The following KIF5B variants were observed in gnomAD, a reference collection of about 807,000 sequenced individuals.
KIF5B encodes kinesin-1 heavy chain.
KIF5B carries 49 observed loss-of-function variants against 132.8 expected under a neutral mutation model. The observed-to-expected ratio is 0.37, with a 90% CI of 0.29 to 0.47. The LOEUF (loss-of-function observed/expected upper bound fraction) is 0.47, where lower values mean the gene tolerates loss of function less well. Among genes scored for constraint, KIF5B ranks in the 20% least tolerant of loss-of-function variants. The pLI, the probability that KIF5B is intolerant of heterozygous loss-of-function variation, is 1.00. For synonymous variants in KIF5B, 355 were observed against 369.4 expected, an observed-to-expected ratio of 0.96 and a Z score of 0.45; for missense variants, 780 against 1,144.0, an observed-to-expected ratio of 0.68 and a Z score of 4.59.
intron 2 of KIF5B, among the ~76,000 whole-genome samples, chr10:32,047,243 G>A (rs149775320): frequency 7.9e-5 from 12 of 151,874 alleles, no homozygotes; most frequent in African/African-American, 2.7e-4. Flanking sequence ...TGACCCCACT[G>A]AGATCTACAA....
chr10:32,029,823 C>T (rs1841379268), intron 14 of KIF5B, among the ~76,000 whole-genome samples: 1 of 152,186 alleles, frequency 6.6e-6, no homozygotes. Context: ...TTTCATACAA[C>T]AATTAGCTTT....
At chr10:32,027,613 C>CTT (rs34452497) in intron 15 of KIF5B, among the ~76,000 whole-genome samples, 7 of 134,962 alleles carry the variant, frequency 5.2e-5, no homozygotes, top group Admixed American at 7.5e-5. Flanking sequence ...CTGAGCTAAT[C>CTT]TTTTTTTTTT....
intron 8 of KIF5B, among the ~76,000 whole-genome samples, 155 bp from the exon 9 acceptor site, chr10:32,036,149 T>C (rs546162843): frequency 1.4e-4 from 21 of 152,366 alleles, no homozygotes; most frequent in African/African-American, 4.3e-4. Flanking sequence ...CCACCATTTC[T>C]TGAGTACTAC....
At chr10:32,012,335 C>T (rs1166384609) in intron 25 of KIF5B, among the ~76,000 whole-genome samples, 1 of 152,046 alleles carries the variant, frequency 6.6e-6, no homozygotes, top group African/African-American at 2.4e-5. Flanking sequence ...CTTAGGCGGG[C>T]GTGGTAGTGG....
At chr10:32,049,356 A>C (rs1445636281) in intron 1 of KIF5B, among the ~76,000 whole-genome samples, 1 of 152,188 alleles carries the variant, frequency 6.6e-6, no homozygotes, top group Non-Finnish European at 1.5e-5. Flanking sequence ...GGAAAGCAGA[A>C]TATCACGGAA....
At chr10:32,026,437 C>CAAAAAAAA (rs71027049) in intron 15 of KIF5B, among the ~76,000 whole-genome samples, 1,076 of 48,894 alleles carry the variant, frequency 0.022, 188 homozygotes, top group Middle Eastern at 0.083. Context: ...GATTCCGTCT[C>CAAAAAAAA]AAAAAAAAAA....
At chr10:32,039,992 C>T (rs1841511291) in intron 3 of KIF5B, among the ~76,000 whole-genome samples, 1 of 152,138 alleles carries the variant, frequency 6.6e-6, no homozygotes, top group African/African-American at 2.4e-5. Context: ...TGGCAACATT[C>T]TTATCAGAGA....
chr10:32,037,964 G>A (rs930706135), intron 6 of KIF5B, among the ~76,000 whole-genome samples, 199 bp downstream of exon 6: 3 of 152,056 alleles, frequency 2.0e-5, no homozygotes, highest in African/African-American at 7.2e-5. Flanking sequence ...ACAAAAATTA[G>A]CTGGGCGTGG....
At position 32,009,975 on chromosome 10, in the gene KIF5B, AATT is replaced by A. The variant is rs1841052880; in HGVS notation, c.*1559_*1561del. On this transcript the variant is annotated 3_prime_UTR_variant, in exon 26 of 26. Coordinates refer to ENST00000302418, the MANE Select transcript of KIF5B (RefSeq NM_004521.3). The stretch of plus-strand genomic sequence containing the variant: ...TAAATAAATTTATATTTTAAATCAA[AATT>A]ATTACAAAAGTGGAAATTACAATAG... 1 of 152,126 alleles carries A rather than the reference AATT, an allele frequency of 6.6e-6. No individual in the cohort carries two copies. The highest frequency in any genetic ancestry group is 2.4e-5 in the African/African-American group (1 of 41,454). 9.4% of individuals were successfully genotyped at this position (152,126 alleles called of 1,614,324 possible).
intron 12 of KIF5B, among the ~76,000 whole-genome samples, chr10:32,033,624 G>A (rs934876014): frequency 6.6e-6 from 1 of 152,110 alleles, no homozygotes; most frequent in Admixed American, 6.5e-5. Flanking sequence ...TTAAAAAGAG[G>A]GGGAAGAAAA....
intron 24 of KIF5B, among the ~76,000 whole-genome samples, chr10:32,016,370 C>A (rs964643060): frequency 6.6e-6 from 1 of 151,622 alleles, no homozygotes; most frequent in Non-Finnish European, 1.5e-5. Flanking sequence ...GCAGGAGAAT[C>A]GCTTGAACCC....
intron 1 of KIF5B, among the ~76,000 whole-genome samples, chr10:32,054,222 C>T (rs1191904015): frequency 6.6e-6 from 1 of 152,204 alleles, no homozygotes; most frequent in East Asian, 1.9e-4. Context: ...CTAATAGCCT[C>T]AAGTTTGACA....
chr10:32,044,598 G>A (rs1355470246), intron 2 of KIF5B, among the ~76,000 whole-genome samples: 1 of 152,114 alleles, frequency 6.6e-6, no homozygotes, highest in Non-Finnish European at 1.5e-5. Context: ...CTTGAACCCG[G>A]GAGGCGGAGG....
intron 2 of KIF5B, among the ~76,000 whole-genome samples, chr10:32,042,022 C>G (rs552863545): frequency 5.3e-5 from 8 of 152,222 alleles, no homozygotes; most frequent in African/African-American, 1.9e-4. Context: ...CCTTTGATTT[C>G]TGGCTTTCGA....
intron 17 of KIF5B, among the ~76,000 whole-genome samples, chr10:32,021,584 T>C (rs913831459): frequency 1.7e-5 from 2 of 119,816 alleles, no homozygotes; most frequent in African/African-American, 5.6e-5. Flanking sequence ...AAGTCCCCTA[T>C]GTTAAGACAC....
At chr10:32,030,515 C>CAA (rs36044885) in intron 14 of KIF5B, among the ~76,000 whole-genome samples, 178 of 122,568 alleles carry the variant, frequency 1.5e-3, no homozygotes, top group African/African-American at 3.8e-3. Context: ...AACTTTGTCT[C>CAA]AAAAAAAAAA....
At chr10:32,030,353 C>T (rs1328722482) in intron 14 of KIF5B, among the ~76,000 whole-genome samples, 12 of 151,858 alleles carry the variant, frequency 7.9e-5, no homozygotes, top group Non-Finnish European at 8.8e-5. Flanking sequence ...CCTGTTGCTA[C>T]TAAAAATACA....
At chr10:32,020,232 C>G (rs1755066) in intron 19 of KIF5B, among the ~76,000 whole-genome samples, 72,023 of 151,796 alleles carry the variant, frequency 0.47, 17,724 homozygotes, top group East Asian at 0.61. Flanking sequence ...GTAAGACCTA[C>G]GCCCCAAACC....
intron 12 of KIF5B, among the ~76,000 whole-genome samples, 190 bp from the exon 13 acceptor site, chr10:32,032,964 A>G (rs1056011953): frequency 1.3e-5 from 2 of 152,258 alleles, no homozygotes; most frequent in African/African-American, 2.4e-5. Flanking sequence ...ATCAATACTT[A>G]TAATGGTCAT....
Sources: gnomAD v4.1 joint callset for allele counts (sites outside exome capture counted in the v4.1 genomes callset) on GRCh38, gnomAD v4.1.1 for gene constraint, MANE v1.5 for transcripts, NCBI Gene and HGNC (gene_info 2026-07-23, HGNC 2026-07-21) for gene names.